Variants in ZNF778 observed in about 807,000 individuals in gnomAD.
The protein encoded by ZNF778 is zinc finger protein 778.
In ZNF778, 37 loss-of-function variants were observed where a neutral mutation model predicts 23.9. That is an observed-to-expected ratio of 1.54 (90% CI 1.19 to 2.03). ZNF778 has a LOEUF of 2.03. ZNF778 is among the 30% of genes most tolerant of loss of function. The probability of loss-of-function intolerance (pLI) is 0.00; values close to 1 mark genes in which losing one functional copy is unlikely to be tolerated. For synonymous variants in ZNF778, 483 were observed against 343.9 expected, an observed-to-expected ratio of 1.40 and a Z score of -4.48; for missense variants, 1,297 against 934.4, an observed-to-expected ratio of 1.39 and a Z score of -5.06.
In ZNF778 at chr16:89,227,686, G is replaced by A; in HGVS notation, c.1398G>A (p.Glu466=). ...KAFCTSSGLT[E]HVRTHTGEKP... is the part of the protein sequence containing the mutation. ...TCTGTACATCCTCGGGCCTTACTGA[G>A]CATGTAAGGACTCACACTGGAGAGA... The change falls in exon 7 of 7, where the codon GAG becomes GAA. Residue 466 remains glutamate, a synonymous_variant. Coordinates refer to ENST00000433976, the MANE Select transcript of ZNF778 (RefSeq NM_001201407.2). 3 of 1,614,166 alleles carry A rather than the reference G, an allele frequency of 1.9e-6. No individual in the cohort carries two copies. Among genetic ancestry groups the A allele is most frequent in the East Asian group, 4.5e-5 (2 of 44,884 alleles).
At chr16:89,218,954 A>G (rs1308500175) in intron 1 of ZNF778, among the ~76,000 whole-genome samples, 1 of 152,044 alleles carries the variant, frequency 6.6e-6, no homozygotes, top group Non-Finnish European at 1.5e-5. Flanking sequence ...CTAAAAGTAC[A>G]AAATTAGCCT....
Position 89,233,706 on chromosome 16 carries a change from AACTC to A in ZNF778, c.*5148_*5151del. On this transcript the variant is annotated 3_prime_UTR_variant, in exon 7 of 7. Coordinates refer to ENST00000433976, the MANE Select transcript of ZNF778 (RefSeq NM_001201407.2). The stretch of plus-strand genomic sequence containing the variant: ...AATCAACTTACTGCATATGCAACTC[AACTC>A]ACTGCGTATGCAACTCAACTCGCAC... 1 of 1,236,702 alleles carries A rather than the reference AACTC, an allele frequency of 8.1e-7. No individual in the cohort carries two copies. Among genetic ancestry groups the A allele is most frequent in the Non-Finnish European group, 1.0e-6 (1 of 959,522 alleles). 76.6% of individuals were successfully genotyped at this position (1,236,702 alleles called of 1,614,324 possible).
intron 1 of ZNF778, among the ~76,000 whole-genome samples, chr16:89,218,592 C>A (rs1444648362): frequency 6.9e-6 from 1 of 144,608 alleles, no homozygotes; most frequent in Non-Finnish European, 1.5e-5. Context: ...GAGACCGACA[C>A]CATCCTGGCT....
In ZNF778 at chr16:89,227,779, A is replaced by T; in HGVS notation, c.1491A>T (p.Arg497Ser). ...TVSSSLTEHA[R>S]IHTGEKPYEC... Reference sequence around the variant, plus strand: ...CTTCAAGCCTGACTGAGCACGCGAGAATCCATACCGGAGAGAAACCCTACG... The same window carrying T: ...CTTCAAGCCTGACTGAGCACGCGAGTATCCATACCGGAGAGAAACCCTACG... Residue 497 changes from arginine (R) to serine (S), a missense_variant, in exon 7 of 7, where the codon AGA becomes AGT. Arg to Ser is a moderately radical substitution (Grantham distance 110). Coordinates refer to ENST00000433976, the MANE Select transcript of ZNF778 (RefSeq NM_001201407.2). 6.2e-7 allele frequency: 1 copy of T among 1,613,212 alleles called. No individual in the cohort carries two copies. The highest frequency in any genetic ancestry group is 2.2e-5 in the East Asian group (1 of 44,860).
In ZNF778 at chr16:89,218,698, G is replaced by A. The variant is rs374072113; in HGVS notation, c.-132+788G>A. ...CCCAGCTACTCTGGAGGCTGAGGCAGGAGAATGGCGTGAACCCGGGAGGCG... is the reference window on the plus strand; with the variant it reads ...CCCAGCTACTCTGGAGGCTGAGGCAAGAGAATGGCGTGAACCCGGGAGGCG... On this transcript the variant is annotated intron_variant, in intron 1 of 6. Transcript: ENST00000433976. Among the ~76,000 whole-genome samples the A allele has an allele frequency of 1.1e-4, 17 of 152,364 alleles. No individual in the cohort carries two copies. In the East Asian group the frequency reaches 1.5e-3, roughly 14 times the overall value.
chr16:89,227,981 G>A lies in ZNF778; in HGVS notation c.1693G>A (p.Val565Ile). The A allele has an allele frequency of 6.3e-7, 1 of 1,589,902 alleles. No homozygotes were observed. Among genetic ancestry groups the A allele is most frequent in the Non-Finnish European group, 8.6e-7 (1 of 1,165,102 alleles). The change falls in exon 7 of 7, where the codon GTA (valine) becomes ATA (isoleucine). Residue 565 changes from valine to isoleucine, a missense_variant. Transcript: ENST00000433976. ...HTEEKPFICTVCRKSFRNSSC... is the reference protein window; with the variant it reads ...HTEEKPFICTICRKSFRNSSC... ...AGAGGAGAAGCCCTTTATATGTACG[G>A]TATGCAGGAAATCCTTCAGAAATTC...
chr16:89,227,834 G>C lies in ZNF778; in HGVS notation c.1546G>C (p.Gly516Arg). The change falls in exon 7 of 7, where the codon GGG (glycine) becomes CGG (arginine). Residue 516 changes from glycine to arginine, a missense_variant. By Grantham distance (125) the Gly-to-Arg change is moderately radical (BLOSUM62 -2). Coordinates refer to ENST00000433976, the MANE Select transcript of ZNF778 (RefSeq NM_001201407.2). Reference sequence around the variant, plus strand: ...TAAGCAGTGTGGCAAAGCCTTCACAGGGCGCTCAGGCCTCACTAAACACAT... The same window carrying C: ...TAAGCAGTGTGGCAAAGCCTTCACACGGCGCTCAGGCCTCACTAAACACAT... The part of the protein sequence containing the change: ...ECKQCGKAFT[G>R]RSGLTKHMRT... 2 of 1,614,054 alleles carry C rather than the reference G, an allele frequency of 1.2e-6. No homozygotes were observed. Among genetic ancestry groups the C allele is most frequent in the Non-Finnish European group, 8.5e-7 (1 of 1,179,994 alleles).
rs1240599504 is a variant in ZNF778 at position 89,230,766 on chromosome 16, T to G, written c.*2204T>G. On this transcript the variant is annotated 3_prime_UTR_variant, in exon 7 of 7. Transcript: ENST00000433976. ...AGCTGCTTGGTGACTGTTTCTGTGG[T>G]GTTGAATCCCCACGGTATAAAGGTA... 1.3e-5 allele frequency: 2 copies of G among 152,286 alleles called. No individual in the cohort carries two copies. The allele number at this position is 152,286 out of a possible 1,614,324, so 9.4% of individuals were successfully genotyped here. A position where few individuals can be genotyped will look rare whatever the true frequency, so the allele number is the denominator to read the frequency against.
At chr16:89,219,472 T>C (rs1184476360) in intron 1 of ZNF778, among the ~76,000 whole-genome samples, 1 of 152,242 alleles carries the variant, frequency 6.6e-6, no homozygotes, top group Non-Finnish European at 1.5e-5. Flanking sequence ...AGTCACCTCA[T>C]GTCCCATGTT....
Position 89,227,236 on chromosome 16 carries a change from A to G in ZNF778, c.948A>G (p.Lys316=), listed in dbSNP as rs2031560000. The change falls in exon 7 of 7, where the codon AAA becomes AAG. Residue 316 remains lysine (K), a synonymous_variant. Coordinates refer to ENST00000433976, the MANE Select transcript of ZNF778 (RefSeq NM_001201407.2). ...CCTGTGAATTGGAAGAATGTGGAAAAGCCTCCCCTGTTTCTTCCAGCCTAA... is the reference window on the plus strand; with the variant it reads ...CCTGTGAATTGGAAGAATGTGGAAAGGCCTCCCCTGTTTCTTCCAGCCTAA... ...EKPCELEECG[K]ASPVSSSLTQ... is the part of the protein sequence containing the mutation. 6.2e-7 allele frequency: 1 copy of G among 1,613,388 alleles called. No homozygotes were observed. Among genetic ancestry groups the G allele is most frequent in the Non-Finnish European group, 8.5e-7 (1 of 1,179,522 alleles).
In ZNF778 at chr16:89,234,344, C is replaced by A. The variant is rs56381797; in HGVS notation, c.*5782C>A. 59,011 of 307,354 alleles carry A rather than the reference C, an allele frequency of 0.19. 7,667 individuals carry two copies. Among genetic ancestry groups the A allele is most frequent in the African/African-American group, 0.42 (19,206 of 46,194 alleles). The allele number at this position is 307,354 out of a possible 1,614,324, so 19.0% of individuals were successfully genotyped here. ...TCTTTCTCTCTACTCGTTCAACCTT[C>A]TTAGGGAGTGACGTTTTTTCCAAAG... On this transcript the variant is annotated 3_prime_UTR_variant, in exon 7 of 7. Coordinates refer to ENST00000433976, the MANE Select transcript of ZNF778 (RefSeq NM_001201407.2).
chr16:89,226,636 T>C, intron 6 of ZNF778, 58 bp from the exon 7 acceptor site: 1 of 1,448,922 alleles, frequency 6.9e-7, no homozygotes, highest in Middle Eastern at 1.8e-4. Flanking sequence ...TTCAGCTGGG[T>C]GAGATCTATG....
Position 89,226,960 on chromosome 16 carries a change from T to G in ZNF778, c.672T>G (p.Ser224=). 1 of 1,614,028 alleles carries G rather than the reference T, an allele frequency of 6.2e-7. No homozygotes were observed. The highest frequency in any genetic ancestry group is 1.1e-5 in the South Asian group (1 of 91,088). The part of the protein sequence containing the change: ...VSQQACTRDR[S]LDYSSCGEVF... ...AGCAAGCATGCACTCGGGACAGATC[T>G]CTTGACTACAGCAGCTGTGGGGAAG... The change falls in exon 7 of 7, where the codon TCT becomes TCG. Residue 224 remains serine, a synonymous_variant. Transcript: ENST00000433976.
chr16:89,232,880 C>A lies in ZNF778; in HGVS notation c.*4318C>A. The A allele has an allele frequency of 8.2e-7, 1 of 1,214,248 alleles. No homozygotes were observed. Among genetic ancestry groups the A allele is most frequent in the South Asian group, 1.5e-5 (1 of 67,398 alleles). The allele number at this position is 1,214,248 out of a possible 1,614,324, so 75.2% of individuals were successfully genotyped here. ...TGCAAATCAACTCGCACTGCGTATG[C>A]AACTCAACTCGCACTGCGTATGCAA... is the stretch of plus-strand genomic sequence containing the variant. On this transcript the variant is annotated 3_prime_UTR_variant, in exon 7 of 7. Coordinates refer to ENST00000433976, the MANE Select transcript of ZNF778 (RefSeq NM_001201407.2).
At chr16:89,223,091 C>T in intron 3 of ZNF778, 66 bp from the exon 4 acceptor site, 4 of 1,567,732 alleles carry the variant, frequency 2.6e-6, no homozygotes, top group Non-Finnish European at 3.5e-6. Flanking sequence ...GGCCCCGCCT[C>T]CTCATTCTTC....
chr16:89,227,708 G>T lies in ZNF778; in HGVS notation c.1420G>T (p.Glu474Ter). The T allele has an allele frequency of 6.2e-7, 1 of 1,614,172 alleles. No homozygotes were observed. Among genetic ancestry groups the T allele is most frequent in the Non-Finnish European group, 8.5e-7 (1 of 1,180,024 alleles). The change falls in exon 7 of 7, where the codon GAG (glutamate) becomes TAG (stop). Residue 474 changes from glutamate (E) to a stop codon, truncating the protein, a stop_gained. Transcript: ENST00000433976. LOFTEE classifies it low-confidence loss of function (END_TRUNC). The stretch of plus-strand genomic sequence containing the variant: ...TGAGCATGTAAGGACTCACACTGGA[G>T]AGAAACCATATGAATGTAAAGATTG... ...LTEHVRTHTG[E>*]KPYECKDCGK...
intron 4 of ZNF778, among the ~76,000 whole-genome samples, chr16:89,223,928 C>T (rs564798406): frequency 2.6e-5 from 4 of 152,270 alleles, no homozygotes; most frequent in Non-Finnish European, 2.9e-5. Flanking sequence ...GCCTGTAATC[C>T]GAGCACTCTG....
At position 89,228,792 on chromosome 16, in the gene ZNF778, C is replaced by CT; in HGVS notation, c.*231dup. The CT allele has an allele frequency of 7.7e-7, 1 of 1,305,398 alleles. No homozygotes were observed. The highest frequency in any genetic ancestry group is 9.7e-7 in the Non-Finnish European group (1 of 1,028,934). The allele number at this position is 1,305,398 out of a possible 1,614,324, so 80.9% of individuals were successfully genotyped here. On this transcript the variant is annotated 3_prime_UTR_variant, in exon 7 of 7. Coordinates refer to ENST00000433976, the MANE Select transcript of ZNF778 (RefSeq NM_001201407.2). ...TGGATGGTATCCAGTAGAGAGAACTCTATTGATGTGTGATATGCAGCAGCA... is the reference window on the plus strand; with the variant it reads ...TGGATGGTATCCAGTAGAGAGAACTCTTATTGATGTGTGATATGCAGCAGCA...
rs780136992 is a variant in ZNF778 at position 89,223,191 on chromosome 16, TC to T, written c.153del (p.Phe51LeufsTer20). ...ACCTTTGACGACGTGGCTGTGGACTTCACCCAGGAGGAATGGACTTTACTGG... is the reference window on the plus strand; with the variant it reads ...ACCTTTGACGACGTGGCTGTGGACTTACCCAGGAGGAATGGACTTTACTGG... Reference protein sequence around the residue: ...AVTFDDVAVDFTQEEWTLLDP... With the variant: ...AVTFDDVAVDXTQEEWTLLDP... On this transcript the variant is annotated frameshift_variant, in exon 4 of 7. Coordinates refer to ENST00000433976, the MANE Select transcript of ZNF778 (RefSeq NM_001201407.2). LOFTEE classifies it high-confidence loss of function. The T allele has an allele frequency of 4.3e-6, 7 of 1,614,004 alleles. No homozygotes were observed. The South Asian group carries it at 5.5e-5, about 13-fold the overall frequency.
Sources: gnomAD v4.1 joint callset for allele counts (sites outside exome capture counted in the v4.1 genomes callset) on GRCh38, gnomAD v4.1.1 for gene constraint, MANE v1.5 for transcripts, NCBI Gene and HGNC (gene_info 2026-07-23, HGNC 2026-07-21) for gene names.